The following ZBTB16 variants were observed in gnomAD, a reference collection of about 807,000 sequenced individuals.
The protein encoded by ZBTB16 is zinc finger and BTB domain containing 16.
In ZBTB16, 8 loss-of-function variants were observed where a neutral mutation model predicts 56.8. The observed-to-expected ratio is 0.14, with a 90% confidence interval of 0.08 to 0.25. ZBTB16 has a LOEUF of 0.25. ZBTB16 is among the 10% of genes least tolerant of loss of function. The probability of loss-of-function intolerance (pLI) is 1.00; values close to 1 mark genes in which losing one functional copy is unlikely to be tolerated. For missense variants in ZBTB16, 625 were observed against 903.0 expected (o/e 0.69, Z 3.95); for synonymous variants, 363 against 368.5 (o/e 0.98, Z 0.17).
At chr11:114,086,641 C>T (rs1308635838) in intron 2 of ZBTB16, among the ~76,000 whole-genome samples, 5 of 152,188 alleles carry the variant, frequency 3.3e-5, no homozygotes. Flanking sequence ...AAGCACTTTA[C>T]TTGCATTAAC....
chr11:114,210,618 G>A (rs540088255), intron 4 of ZBTB16: 56 of 227,012 alleles, frequency 2.5e-4, no homozygotes, highest in East Asian at 4.4e-4. Flanking sequence ...TACCAAGAGC[G>A]TCTGTCTTCT....
intron 2 of ZBTB16, among the ~76,000 whole-genome samples, chr11:114,113,871 T>G (rs1411230454): frequency 6.6e-6 from 1 of 152,244 alleles, no homozygotes; most frequent in African/African-American, 2.4e-5. Context: ...GAATTCATTC[T>G]TTTATTTTTA....
intron 4 of ZBTB16, among the ~76,000 whole-genome samples, chr11:114,220,448 T>C (rs1321262804): frequency 6.6e-6 from 1 of 152,170 alleles, no homozygotes; most frequent in Non-Finnish European, 1.5e-5. Flanking sequence ...GAAGAGTGGA[T>C]GAGTGTTTGT....
At chr11:114,103,440 A>G (rs1009930271) in intron 2 of ZBTB16, among the ~76,000 whole-genome samples, 2 of 152,188 alleles carry the variant, frequency 1.3e-5, no homozygotes, top group African/African-American at 4.8e-5. Context: ...CGCTTGGACT[A>G]AAGAAGTTTT....
intron 4 of ZBTB16, among the ~76,000 whole-genome samples, chr11:114,201,314 C>T (rs1943732299): frequency 6.6e-6 from 1 of 152,088 alleles, no homozygotes; most frequent in South Asian, 2.1e-4. Context: ...GGAGAAAGTT[C>T]ATTGCACACC....
chr11:114,235,629 CCTTTCTTTCTTTCTTTCTTTCTTTCTTT>C (rs746433237), intron 4 of ZBTB16, among the ~76,000 whole-genome samples: 1 of 97,794 alleles, frequency 1.0e-5, no homozygotes, highest in Non-Finnish European at 2.1e-5. Context: ...CCTCTCCCTT[CCTTTCTTTCTTTCTTTCTTTCTTTCTTT>C]CTTTCTTTCT....
intron 3 of ZBTB16, among the ~76,000 whole-genome samples, chr11:114,180,514 A>C (rs1247140465): frequency 6.6e-6 from 1 of 152,212 alleles, no homozygotes; most frequent in Non-Finnish European, 1.5e-5. Context: ...ATCTCACACC[A>C]GAAGAAGCAG....
intron 2 of ZBTB16, among the ~76,000 whole-genome samples, chr11:114,103,517 C>T (rs1940686411): frequency 1.3e-5 from 2 of 151,928 alleles, no homozygotes; most frequent in African/African-American, 2.4e-5. Flanking sequence ...GTTTTGGTAA[C>T]CACATGTAAC....
In ZBTB16 at chr11:114,252,634, T is replaced by C. The variant is rs1439779693; in HGVS notation, c.*2079T>C. Among the ~76,000 whole-genome samples, 1 of 152,220 alleles carries C rather than the reference T, an allele frequency of 6.6e-6. No homozygotes were observed. On this transcript the variant is annotated 3_prime_UTR_variant, in exon 7 of 7. Transcript: ENST00000335953. ...CTTTATGTGTAAGAGTTTTTTATTA[T>C]TATTTTTTCTTTCCTTTCTCTCTCT...
chr11:114,255,072 G>A lies in ZBTB16; in HGVS notation c.*4517G>A, dbSNP rs934458519. Among the ~76,000 whole-genome samples the A allele has an allele frequency of 6.6e-6, 1 of 152,242 alleles. No individual in the cohort carries two copies. Among genetic ancestry groups the A allele is most frequent in the African/African-American group, 2.4e-5 (1 of 41,536 alleles). ...TTCGTAAGGTTAAGAAGCCGTGGTG[G>A]TGCACCATGACATCCAACCCGTATA... On this transcript the variant is annotated 3_prime_UTR_variant, in exon 7 of 7. Coordinates refer to ENST00000335953, the MANE Select transcript of ZBTB16 (RefSeq NM_006006.6).
intron 2 of ZBTB16, among the ~76,000 whole-genome samples, chr11:114,070,576 C>T (rs892440968): frequency 6.6e-6 from 1 of 152,166 alleles, no homozygotes; most frequent in Non-Finnish European, 1.5e-5. Context: ...TAGAACCAGG[C>T]ACTCAGCTTG....
chr11:114,099,269 G>A (rs1407519837), intron 2 of ZBTB16, among the ~76,000 whole-genome samples: 2 of 152,126 alleles, frequency 1.3e-5, no homozygotes, highest in African/African-American at 4.8e-5. Flanking sequence ...CTAAACAGTG[G>A]TCTTACAGCC....
intron 4 of ZBTB16, chr11:114,209,683 C>T (rs1447334646): frequency 7.1e-6 from 7 of 985,324 alleles, no homozygotes; most frequent in Non-Finnish European, 8.4e-6. Context: ...AACTGTTGGT[C>T]AGAGCAGGAG....
At chr11:114,192,441 T>A (rs1037602674) in intron 4 of ZBTB16, among the ~76,000 whole-genome samples, 1 of 152,214 alleles carries the variant, frequency 6.6e-6, no homozygotes, top group Admixed American at 6.5e-5. Flanking sequence ...CAGTCATCTT[T>A]GGAAACAAGC....
intron 2 of ZBTB16, among the ~76,000 whole-genome samples, chr11:114,131,816 G>T (rs945849837): frequency 2.0e-5 from 3 of 152,176 alleles, no homozygotes; most frequent in African/African-American, 7.2e-5. Context: ...GTGTAAACAT[G>T]TTCATTGGTT....
intron 4 of ZBTB16, among the ~76,000 whole-genome samples, chr11:114,234,906 G>A (rs1174189672): frequency 6.6e-6 from 1 of 152,196 alleles, no homozygotes. Flanking sequence ...GAAGATGGGC[G>A]AAAGGAAAAG....
chr11:114,077,662 C>T (rs893740784), intron 2 of ZBTB16, among the ~76,000 whole-genome samples: 14 of 152,178 alleles, frequency 9.2e-5, no homozygotes, highest in African/African-American at 1.7e-4. Flanking sequence ...CCTCATCAGA[C>T]GTGAAGCCGC....
intron 4 of ZBTB16, among the ~76,000 whole-genome samples, chr11:114,200,852 C>T (rs891304932): frequency 6.6e-6 from 1 of 152,068 alleles, no homozygotes; most frequent in Admixed American, 6.5e-5. Flanking sequence ...CCATGGCTGC[C>T]TGATGACAGA....
At position 114,212,064 on chromosome 11, in the gene ZBTB16, C is replaced by T. The variant is rs528652909; in HGVS notation, c.1453+25026C>T. Among the ~76,000 whole-genome samples, 6 of 152,078 alleles carry T rather than the reference C, an allele frequency of 3.9e-5. No homozygotes were observed. In the South Asian group the frequency reaches 1.2e-3, roughly 32 times the overall value. On this transcript the variant is annotated intron_variant, in intron 4 of 6. Transcript: ENST00000335953. ...CAAAGGGTCATCTCATGTGTCTTGC[C>T]GCCAGCCCACCTCCTTTTGTACAGT...
Sources: gnomAD v4.1 joint callset for allele counts (sites outside exome capture counted in the v4.1 genomes callset) on GRCh38, gnomAD v4.1.1 for gene constraint, MANE v1.5 for transcripts, NCBI Gene and HGNC (gene_info 2026-07-23, HGNC 2026-07-21) for gene names.